Variants in MRPS27 observed in about 807,000 individuals in gnomAD.
MRPS27 encodes the protein small ribosomal subunit protein mS27.
A neutral mutation model predicts 48.9 loss-of-function variants in MRPS27; 43 were observed. The ratio of observed to expected loss-of-function variants is 0.88; its 90% CI spans 0.69 to 1.13. The LOEUF (loss-of-function observed/expected upper bound fraction) is 1.13. Among genes scored for constraint, MRPS27 ranks in the 50% most tolerant of loss-of-function variants. The pLI is 0.00. For missense variants in MRPS27, 467 were observed against 476.3 expected (o/e 0.98, Z 0.18); for synonymous variants, 188 against 171.9 (o/e 1.09, Z -0.73).
intron 5 of MRPS27, among the ~76,000 whole-genome samples, chr5:72,236,907 T>G (rs74383806): frequency 0.064 from 9,630 of 149,924 alleles, 550 homozygotes; most frequent in African/African-American, 0.15. Context: ...TTTTACTGTT[T>G]TTCTTTTCTT....
intron 2 of MRPS27, among the ~76,000 whole-genome samples, chr5:72,313,217 A>G (rs1750484294): frequency 6.6e-6 from 1 of 152,172 alleles, no homozygotes; most frequent in South Asian, 2.1e-4. Flanking sequence ...GAAAATCCCA[A>G]TAAGGTAGCC....
chr5:72,308,344 C>T (rs972885015), intron 2 of MRPS27, among the ~76,000 whole-genome samples: 4 of 152,228 alleles, frequency 2.6e-5, no homozygotes, highest in Admixed American at 1.3e-4. Flanking sequence ...ACCCACACGC[C>T]GCAGTGTCCC....
At chr5:72,279,911 A>G (rs1749489727) in intron 4 of MRPS27, among the ~76,000 whole-genome samples, 1 of 152,116 alleles carries the variant, frequency 6.6e-6, no homozygotes, top group South Asian at 2.1e-4. Flanking sequence ...ATGTTCATAT[A>G]TTTTGAAGTA....
rs1747679984 is a variant in MRPS27 at position 72,219,439 on chromosome 5, G to A, written c.*1470C>T. On this transcript the variant is annotated 3_prime_UTR_variant, in exon 11 of 11. Transcript: ENST00000261413. ...ATAAATCCCATAGTTTAATGGGGGA[G>A]GGTTTAAAGTACACTCCTCAAAATC... The A allele has an allele frequency of 6.6e-6, 1 of 152,162 alleles. No individual in the cohort carries two copies. Among genetic ancestry groups the A allele is most frequent in the South Asian group, 2.1e-4 (1 of 4,824 alleles). 9.4% of individuals were successfully genotyped at this position (152,162 alleles called of 1,614,324 possible).
intron 4 of MRPS27, among the ~76,000 whole-genome samples, chr5:72,243,991 C>G (rs2111971357): frequency 6.6e-6 from 1 of 152,202 alleles, no homozygotes; most frequent in East Asian, 1.9e-4. Flanking sequence ...GGGTCCCTTT[C>G]CAGATCTAGA....
chr5:72,313,561 A>G (rs1750492785), intron 2 of MRPS27, among the ~76,000 whole-genome samples: 1 of 152,204 alleles, frequency 6.6e-6, no homozygotes, highest in South Asian at 2.1e-4. Context: ...GTAATATGAC[A>G]TAGGGAACAG....
At chr5:72,315,673 C>T (rs1750548087) in intron 1 of MRPS27, among the ~76,000 whole-genome samples, 1 of 151,828 alleles carries the variant, frequency 6.6e-6, no homozygotes, top group South Asian at 2.1e-4. Context: ...AACAAAATCA[C>T]CTGGAGAAAC....
At chr5:72,273,243 C>A (rs1289477311) in intron 4 of MRPS27, among the ~76,000 whole-genome samples, 1 of 152,142 alleles carries the variant, frequency 6.6e-6, no homozygotes, top group African/African-American at 2.4e-5. Context: ...GACCATCACT[C>A]AAGCTGGGCC....
chr5:72,275,806 G>A (rs576758238), intron 4 of MRPS27, among the ~76,000 whole-genome samples: 13 of 152,164 alleles, frequency 8.5e-5, no homozygotes, highest in South Asian at 2.1e-4. Flanking sequence ...AACTAATCCC[G>A]GTTGGCTAAA....
In MRPS27 at chr5:72,221,120, C is replaced by G; in HGVS notation, c.1034G>C (p.Gly345Ala). The change falls in exon 11 of 11, where the codon GGC (glycine) becomes GCC (alanine). Residue 345 changes from glycine to alanine, a missense_variant. Physicochemically the swap from Gly to Ala is moderately conservative, Grantham distance 60. Transcript: ENST00000261413. ...TAAAAGACCTTCTGACTCAATTTTG[C>G]CCAGAGCTTGAAGCTTAGAATGTAA... ...KALHSKLQALGKIESEGLLSL... is the reference protein window; with the variant it reads ...KALHSKLQALAKIESEGLLSL... 6.2e-7 allele frequency: 1 copy of G among 1,613,998 alleles called. No individual in the cohort carries two copies. Among genetic ancestry groups the G allele is most frequent in the Non-Finnish European group, 8.5e-7 (1 of 1,179,974 alleles).
chr5:72,233,592 G>A (rs538617128), intron 6 of MRPS27, among the ~76,000 whole-genome samples: 1 of 152,092 alleles, frequency 6.6e-6, no homozygotes, highest in Non-Finnish European at 1.5e-5. Flanking sequence ...CCACACGCAT[G>A]GATTTCTATG....
At position 72,221,064 on chromosome 5, in the gene MRPS27, G is replaced by A. The variant is rs1747727647; in HGVS notation, c.1090C>T (p.Leu364Phe). The A allele has an allele frequency of 6.2e-7, 1 of 1,614,174 alleles. No homozygotes were observed. The highest frequency in any genetic ancestry group is 1.3e-5 in the African/African-American group (1 of 75,044). ...SLTTQLVKEK[L>F]STCEAEDIAT... ...ATGTCCTCTGCTTCACAGGTGGAGA[G>A]TTTTTCCTTGACAAGCTGGGTGGTC... is the stretch of plus-strand genomic sequence containing the variant. The change falls in exon 11 of 11, where the codon CTC becomes TTC. Residue 364 changes from leucine to phenylalanine, a missense_variant. Leu to Phe is a conservative substitution (Grantham distance 22). Coordinates refer to ENST00000261413, the MANE Select transcript of MRPS27 (RefSeq NM_015084.3).
At chr5:72,243,098 G>C (rs898696927) in intron 4 of MRPS27, among the ~76,000 whole-genome samples, 5 of 152,202 alleles carry the variant, frequency 3.3e-5, no homozygotes, top group Non-Finnish European at 5.9e-5. Context: ...CTCAGCCACG[G>C]AGCTGGGTAG....
rs999761913 is a variant in MRPS27, at chr5:72,220,139, A to C, written c.*770T>G. The C allele has an allele frequency of 1.3e-5, 2 of 152,818 alleles. No homozygotes were observed. The highest frequency in any genetic ancestry group is 4.8e-5 in the African/African-American group (2 of 41,470). The allele number at this position is 152,818 out of a possible 1,614,324, so 9.5% of individuals were successfully genotyped here. On this transcript the variant is annotated 3_prime_UTR_variant, in exon 11 of 11. Transcript: ENST00000261413. ...CCAGCTCACAGTGCAGCTTGCACTC[A>C]GAAAGGAGACTCAGGGACACAAGGT... is the stretch of plus-strand genomic sequence containing the variant.
chr5:72,220,492 A>G lies in MRPS27; in HGVS notation c.*417T>C, dbSNP rs1747711326. 1 of 160,846 alleles carries G rather than the reference A, an allele frequency of 6.2e-6. No homozygotes were observed. The highest frequency in any genetic ancestry group is 2.4e-5 in the African/African-American group (1 of 41,632). 10.0% of individuals were successfully genotyped at this position (160,846 alleles called of 1,614,324 possible). On this transcript the variant is annotated 3_prime_UTR_variant, in exon 11 of 11. Coordinates refer to ENST00000261413, the MANE Select transcript of MRPS27 (RefSeq NM_015084.3). The stretch of plus-strand genomic sequence containing the variant: ...AGCCAAGATTGCGCCACTGCACTCC[A>G]GCCTGGGTGACAGAATGAGACTCTG...
rs1748238596 is a variant in MRPS27, at chr5:72,237,783, A to G, written c.396+231T>C. Among the ~76,000 whole-genome samples the G allele has an allele frequency of 2.0e-5, 3 of 152,126 alleles. No homozygotes were observed. The South Asian group carries it at 6.2e-4, about 32-fold the overall frequency. On this transcript the variant is annotated intron_variant, in intron 5 of 10. Transcript: ENST00000261413. Reference sequence around the variant, plus strand: ...CACTGCAGAGTTCTTCCTTTTGCTTATACCTGTCCTTTTCTGAGTCACTAC... The same window carrying G: ...CACTGCAGAGTTCTTCCTTTTGCTTGTACCTGTCCTTTTCTGAGTCACTAC...
intron 5 of MRPS27, among the ~76,000 whole-genome samples, chr5:72,236,923 CT>C (rs111411729): frequency 0.22 from 30,239 of 139,436 alleles, 3,393 homozygotes; most frequent in Non-Finnish European, 0.31. Flanking sequence ...TTCTTTTTTC[CT>C]TTTTTTTTTT....
At chr5:72,248,344 C>T (rs1255553284) in intron 4 of MRPS27, among the ~76,000 whole-genome samples, 1 of 152,188 alleles carries the variant, frequency 6.6e-6, no homozygotes, top group Non-Finnish European at 1.5e-5. Context: ...TATGAAAGAG[C>T]TGTTTCTTTA....
Position 72,226,086 on chromosome 5 carries a change from G to A in MRPS27, c.808C>T (p.Pro270Ser). The change falls in exon 9 of 11, where the codon CCA (proline) becomes TCA (serine). Residue 270 changes from proline (P) to serine (S), a missense_variant. Coordinates refer to ENST00000261413, the MANE Select transcript of MRPS27 (RefSeq NM_015084.3). ...LQVMEKVAAS[P>S]EDIKLCREAL... ...TCTCTACACAGCTTTATGTCTTCTG[G>A]GGAGGCAGCCACTTTCTCCATCACT... The A allele has an allele frequency of 6.2e-7, 1 of 1,613,682 alleles. No homozygotes were observed. Among genetic ancestry groups the A allele is most frequent in the South Asian group, 1.1e-5 (1 of 91,060 alleles).
Sources: gnomAD v4.1 joint callset for allele counts (sites outside exome capture counted in the v4.1 genomes callset) on GRCh38, gnomAD v4.1.1 for gene constraint, MANE v1.5 for transcripts, NCBI Gene and HGNC (gene_info 2026-07-23, HGNC 2026-07-21) for gene names.